Variants in GRIK3 observed in about 807,000 individuals in gnomAD.
GRIK3 encodes glutamate ionotropic receptor kainate type subunit 3, also known as glutamate receptor ionotropic, kainate 3.
GRIK3 carries 29 observed loss-of-function variants against 102.5 expected under a neutral mutation model. The observed-to-expected ratio is 0.28, with a 90% CI of 0.21 to 0.39. The LOEUF is 0.39. Among genes scored for constraint, GRIK3 ranks in the 10% least tolerant of loss-of-function variants. The pLI is 1.00. For synonymous variants in GRIK3, 511 were observed against 504.9 expected, an observed-to-expected ratio of 1.01 and a Z score of -0.16; for missense variants, 908 against 1,252.4, an observed-to-expected ratio of 0.73 and a Z score of 4.15.
At chr1:36,957,582 GTGAGTCTCTGTGC>G (rs2124342485) in intron 1 of GRIK3, among the ~76,000 whole-genome samples, 1 of 117,262 alleles carries the variant, frequency 8.5e-6, no homozygotes, top group Non-Finnish European at 1.8e-5. Flanking sequence ...TCTGTGCCCT[GTGAGTCTCTGTGC>G]CCCGTGAGCC....
At chr1:36,909,110 G>A (rs1641317255) in intron 1 of GRIK3, among the ~76,000 whole-genome samples, 1 of 152,138 alleles carries the variant, frequency 6.6e-6, no homozygotes, top group Non-Finnish European at 1.5e-5. Context: ...AAACTACAAA[G>A]TGGCAAAATT....
chr1:36,799,564 C>T lies in GRIK3; in HGVS notation c.*2287G>A, dbSNP rs550854733. 1 of 152,190 alleles carries T rather than the reference C, an allele frequency of 6.6e-6. No homozygotes were observed. The highest frequency in any genetic ancestry group is 1.5e-5 in the Non-Finnish European group (1 of 68,082). 9.4% of individuals were successfully genotyped at this position (152,190 alleles called of 1,614,324 possible). On this transcript the variant is annotated 3_prime_UTR_variant, in exon 16 of 16. Transcript: ENST00000373091. Reference sequence around the variant, plus strand: ...CCTTTTACGCATATTTGGCTAGCTGCAGGTAAGATCCTGATCTCCATCCTA... The same window carrying T: ...CCTTTTACGCATATTTGGCTAGCTGTAGGTAAGATCCTGATCTCCATCCTA...
chr1:37,008,856 C>G (rs1297530466), intron 1 of GRIK3, among the ~76,000 whole-genome samples: 4 of 152,188 alleles, frequency 2.6e-5, no homozygotes, highest in Admixed American at 2.6e-4. Context: ...AGAATTAAGT[C>G]ATTATCATAG....
At chr1:36,923,078 G>C (rs1340595915) in intron 1 of GRIK3, among the ~76,000 whole-genome samples, 2 of 152,326 alleles carry the variant, frequency 1.3e-5, no homozygotes, top group Admixed American at 1.3e-4. Context: ...AGTCACAGGA[G>C]GTGACATTGC....
At chr1:37,002,864 C>T (rs746096554) in intron 1 of GRIK3, among the ~76,000 whole-genome samples, 1 of 151,988 alleles carries the variant, frequency 6.6e-6, no homozygotes, top group East Asian at 1.9e-4. Flanking sequence ...TGGTCTCAAA[C>T]TCCTGGCCTC....
At chr1:36,971,887 C>G (rs1642146305) in intron 1 of GRIK3, among the ~76,000 whole-genome samples, 1 of 152,198 alleles carries the variant, frequency 6.6e-6, no homozygotes, top group African/African-American at 2.4e-5. Context: ...TCACAGAGGC[C>G]TGGAGACACC....
chr1:36,969,232 G>A (rs1417876646), intron 1 of GRIK3, among the ~76,000 whole-genome samples: 1 of 152,222 alleles, frequency 6.6e-6, no homozygotes, highest in Non-Finnish European at 1.5e-5. Context: ...GGGAGAAATG[G>A]ACCTAAACAA....
rs1290571839 is a variant in GRIK3, at chr1:36,850,097, T to C, written c.1326+214A>G. ...CAAGGACTTGGGGAGTGAGTGGGAG[T>C]GAGACACAAAAACGCAGCGGCTTCC... is the stretch of plus-strand genomic sequence containing the variant. On this transcript the variant is annotated intron_variant, in intron 9 of 15. Coordinates refer to ENST00000373091, the MANE Select transcript of GRIK3 (RefSeq NM_000831.4). This position sits in a 1 kb window ranked among gnomAD's most constrained non-coding sequence, Gnocchi z 4.0. 5.5e-6 allele frequency: 3 copies of C among 549,980 alleles called. No individual in the cohort carries two copies. The African/African-American group carries it at 5.7e-5, about 10-fold the overall frequency. 34.1% of individuals were successfully genotyped at this position (549,980 alleles called of 1,614,324 possible).
intron 1 of GRIK3, among the ~76,000 whole-genome samples, chr1:36,926,178 C>A (rs1277941742): frequency 1.1e-4 from 16 of 152,118 alleles, no homozygotes; most frequent in Non-Finnish European, 1.5e-4. Context: ...CTCGGCCCTA[C>A]CCTTTGCCCC....
intron 1 of GRIK3, among the ~76,000 whole-genome samples, chr1:36,891,888 T>C (rs979611274): frequency 6.6e-6 from 1 of 152,242 alleles, no homozygotes; most frequent in African/African-American, 2.4e-5. Flanking sequence ...AAATTAATAG[T>C]GTTTCTTCAT....
At chr1:36,881,831 C>T (rs754084860) in intron 2 of GRIK3, among the ~76,000 whole-genome samples, 16 of 152,124 alleles carry the variant, frequency 1.1e-4, no homozygotes, top group Non-Finnish European at 2.1e-4. Context: ...CTGTCCCTAC[C>T]GCCACTTTTC....
At chr1:36,975,057 T>C (rs1179110326) in intron 1 of GRIK3, among the ~76,000 whole-genome samples, 1 of 152,134 alleles carries the variant, frequency 6.6e-6, no homozygotes, top group Non-Finnish European at 1.5e-5. Flanking sequence ...GATAAAACAG[T>C]TCTGGAAATG....
chr1:36,943,460 A>G (rs1312805380), intron 1 of GRIK3, among the ~76,000 whole-genome samples: 2 of 152,172 alleles, frequency 1.3e-5, no homozygotes, highest in Non-Finnish European at 2.9e-5. Context: ...CCTCTACACA[A>G]TGGAAATTAC....
intron 13 of GRIK3, among the ~76,000 whole-genome samples, chr1:36,807,875 G>A (rs1642517412): frequency 6.6e-6 from 1 of 152,168 alleles, no homozygotes; most frequent in South Asian, 2.1e-4. Flanking sequence ...CTGCCCCAAA[G>A]CCAAAGGCAT....
At chr1:36,814,277 C>T (rs765872961) in intron 13 of GRIK3, among the ~76,000 whole-genome samples, 1 of 152,066 alleles carries the variant, frequency 6.6e-6, no homozygotes, top group East Asian at 1.9e-4. Flanking sequence ...TTATTTATGC[C>T]GTTTCACTTT....
At chr1:36,859,459 C>A (rs145948247) in intron 6 of GRIK3, among the ~76,000 whole-genome samples, 52 of 152,274 alleles carry the variant, frequency 3.4e-4, no homozygotes, top group Non-Finnish European at 5.7e-4. Flanking sequence ...TCCTGAGCAC[C>A]CCCCTCTGCA....
At chr1:36,953,101 G>C (rs1448067786) in intron 1 of GRIK3, among the ~76,000 whole-genome samples, 1 of 152,230 alleles carries the variant, frequency 6.6e-6, no homozygotes, top group African/African-American at 2.4e-5. Context: ...CATTCATTCA[G>C]CACACGTCTG....
At chr1:36,910,842 T>C (rs1166288331) in intron 1 of GRIK3, among the ~76,000 whole-genome samples, 1 of 152,208 alleles carries the variant, frequency 6.6e-6, no homozygotes, top group Non-Finnish European at 1.5e-5. Flanking sequence ...CAGTGAGAGA[T>C]TAGTTTCAGC....
At position 36,886,940 on chromosome 1, in the gene GRIK3, T is replaced by A. The variant is rs556535027; in HGVS notation, c.292+3980A>T. ...GAGTGGAGAAAGTTTATTCTTTTTT[T>A]AATTGCTGATTAAAATTCCATTGTA... On this transcript the variant is annotated intron_variant, in intron 2 of 15. Coordinates refer to ENST00000373091, the MANE Select transcript of GRIK3 (RefSeq NM_000831.4). Among the ~76,000 whole-genome samples the A allele has an allele frequency of 3.3e-5, 5 of 152,394 alleles. No individual in the cohort carries two copies. In the East Asian group the frequency reaches 9.6e-4, roughly 29 times the overall value.
Sources: allele counts gnomAD v4.1 joint callset (sites outside exome capture counted in the v4.1 genomes callset), GRCh38; gene constraint gnomAD v4.1.1; non-coding constraint Gnocchi (gnomAD v3.1); transcripts MANE v1.5; gene names NCBI Gene and HGNC (gene_info 2026-07-23, HGNC 2026-07-21).